Variants in SMG1 observed in about 807,000 individuals in gnomAD.
SMG1 encodes SMG1 nonsense mediated mRNA decay associated PI3K related kinase.
Under a neutral mutation model 419.9 loss-of-function variants are expected in SMG1, and 22 were observed. The observed-to-expected ratio is 0.05, with a 90% confidence interval of 0.04 to 0.07. The LOEUF is 0.07. SMG1 is among the 10% of genes least tolerant of loss of function. The pLI is 1.00. For missense variants in SMG1, 3,185 were observed against 4,342.0 expected (o/e 0.73, Z 7.49); for synonymous variants, 1,538 against 1,553.5 (o/e 0.99, Z 0.23).
chr16:18,854,809 G>C lies in SMG1; in HGVS notation c.4330C>G (p.Leu1444Val), dbSNP rs532830043. Residue 1444 changes from leucine (L) to valine (V), a missense_variant, in exon 30 of 63, where the codon CTG (leucine) becomes GTG (valine). Transcript: ENST00000446231. ...KRGNVSLATR[L>V]LAQCSEVQLG... ...TGAACTTCACTGCACTGTGCCAGCA[G>C]TCTTGTTGCAAGGGACACATTCCCT... The C allele has an allele frequency of 9.9e-6, 16 of 1,613,904 alleles. No individual in the cohort carries two copies. The highest frequency in any genetic ancestry group is 1.4e-5 in the Non-Finnish European group (16 of 1,179,904).
At chr16:18,883,405 T>C (rs2036484666) in intron 9 of SMG1, among the ~76,000 whole-genome samples, 1 of 152,240 alleles carries the variant, frequency 6.6e-6, no homozygotes. Flanking sequence ...GGAAAATCTT[T>C]AGGGGCTTTT....
In SMG1 at chr16:18,859,067, G is replaced by A. The variant is rs2035071794; in HGVS notation, c.4068C>T (p.Cys1356=). 1 of 1,531,828 alleles carries A rather than the reference G, an allele frequency of 6.5e-7. No individual in the cohort carries two copies. The highest frequency in any genetic ancestry group is 8.7e-7 in the Non-Finnish European group (1 of 1,143,716). The allele number at this position is 1,531,828 out of a possible 1,614,324, so 94.9% of individuals were successfully genotyped here. A position where few individuals can be genotyped will look rare whatever the true frequency, so the allele number is the denominator to read the frequency against. ...LPVLSTLQLY[C]SSALENTVSN... is the part of the protein sequence containing the mutation. Reference sequence around the variant, plus strand: ...AAACTGTGTTCTCCAAAGCAGATGAGCAATACAGCTGCAAGGTACTTAGAA... The same window carrying A: ...AAACTGTGTTCTCCAAAGCAGATGAACAATACAGCTGCAAGGTACTTAGAA... The change falls in exon 28 of 63, where the codon TGC becomes TGT. Residue 1356 remains cysteine (C), a synonymous_variant. Transcript: ENST00000446231.
chr16:18,817,173 A>G, intron 57 of SMG1, 118 bp downstream of exon 57: 3 of 690,680 alleles, frequency 4.3e-6, no homozygotes, highest in African/African-American at 2.0e-5. Flanking sequence ...CCGCCCCCCT[A>G]ACAACCTCTT....
chr16:18,828,021 C>T lies in SMG1; in HGVS notation c.9741+10G>A, dbSNP rs765918786. 4 of 1,608,138 alleles carry T rather than the reference C, an allele frequency of 2.5e-6. No individual in the cohort carries two copies. In the South Asian group the frequency reaches 3.3e-5, roughly 13 times the overall value. On this transcript the variant is annotated intron_variant, in intron 55 of 62. Coordinates refer to ENST00000446231, the MANE Select transcript of SMG1 (RefSeq NM_015092.5). ...AAAATGCCCTGGAAGGAAGATCTGG[C>T]AAAACACACCTGAACTGTTGCAATA...
chr16:18,820,908 T>A (rs2032470256), intron 55 of SMG1, among the ~76,000 whole-genome samples: 1 of 152,186 alleles, frequency 6.6e-6, no homozygotes, highest in Non-Finnish European at 1.5e-5. Flanking sequence ...TACACATAAC[T>A]TTCATTAAGG....
rs1375440778 is a variant in SMG1 at position 18,896,971 on chromosome 16, A to G, written c.93-15T>C. On this transcript the variant is annotated splice_polypyrimidine_tract_variant and intron_variant, in intron 1 of 62. Transcript: ENST00000446231. ...CACTATCAGTTCTATAAAAAGAGAA[A>G]AGTTTAAGATTAGAACTTTAAATAA... 6.6e-7 allele frequency: 1 copy of G among 1,503,982 alleles called. No individual in the cohort carries two copies. The highest frequency in any genetic ancestry group is 2.1e-5 in the Admixed American group (1 of 47,900). 93.2% of individuals were successfully genotyped at this position (1,503,982 alleles called of 1,614,324 possible).
chr16:18,836,558 C>A, intron 46 of SMG1, 26 bp from the exon 47 acceptor site: 1 of 1,610,244 alleles, frequency 6.2e-7, no homozygotes, highest in South Asian at 1.1e-5. Flanking sequence ...CAAACAAAAT[C>A]AAAAGATTTA....
rs869238782 is a variant in SMG1, at chr16:18,821,221, C to CTTTTTTTTTTTTTTTTTTTTTTTT, written c.9742-1568_9742-1567insAAAAAAAAAAAAAAAAAAAAAAAA. Among the ~76,000 whole-genome samples, 22 of 35,596 alleles carry CTTTTTTTTTTTTTTTTTTTTTTTT rather than the reference C, an allele frequency of 6.2e-4. 1 individual carries two copies. The highest frequency in any genetic ancestry group is 8.4e-4 in the South Asian group (1 of 1,190). The allele number at this position is 35,596 out of a possible 152,430, so 23.4% of individuals were successfully genotyped here. A position where few individuals can be genotyped will look rare whatever the true frequency, so the allele number is the denominator to read the frequency against. On this transcript the variant is annotated intron_variant, in intron 55 of 62. Coordinates refer to ENST00000446231, the MANE Select transcript of SMG1 (RefSeq NM_015092.5). ...AAAACCTGAGATATTTAGTATGTTT[C>CTTTTTTTTTTTTTTTTTTTTTTTT]TTTTTTTTTTTTTTTTTTTCTTTTT...
rs1233400465 is a variant in SMG1 at position 18,870,668 on chromosome 16, G to A, written c.2434C>T (p.Arg812Cys). The A allele has an allele frequency of 1.9e-6, 3 of 1,608,684 alleles. No individual in the cohort carries two copies. Among genetic ancestry groups the A allele is most frequent in the East Asian group, 2.2e-5 (1 of 44,854 alleles). The change falls in exon 18 of 63, where the codon CGT (arginine) becomes TGT (cysteine). Residue 812 changes from arginine (R) to cysteine (C), a missense_variant. Physicochemically the swap from Arg to Cys is radical, Grantham distance 180. Coordinates refer to ENST00000446231, the MANE Select transcript of SMG1 (RefSeq NM_015092.5). ...AGTTTTCCAAATGCTTGTCGAATAC[G>A]AGTTCCACTGTGCACTAGTTGAACA... ...CRVQLVHSGT[R>C]IRQAFGKLLK...
At chr16:18,810,786 C>A (rs893944737) in intron 62 of SMG1, among the ~76,000 whole-genome samples, 2 of 152,102 alleles carry the variant, frequency 1.3e-5, no homozygotes, top group Non-Finnish European at 2.9e-5. Flanking sequence ...TATGTAGTAG[C>A]TACAGTATTA....
intron 1 of SMG1, among the ~76,000 whole-genome samples, chr16:18,924,551 AAACT>A (rs1314277699): frequency 6.6e-6 from 1 of 152,252 alleles, no homozygotes; most frequent in Non-Finnish European, 1.5e-5. Flanking sequence ...TAAAAAGGCA[AAACT>A]AAGCATGTCA....
chr16:18,912,310 A>ATATAAC lies in SMG1; in HGVS notation c.92+13639_92+13640insGTTATA, dbSNP rs2037825679. Among the ~76,000 whole-genome samples, 5 of 152,078 alleles carry ATATAAC rather than the reference A, an allele frequency of 3.3e-5. No individual in the cohort carries two copies. The South Asian group carries it at 1.0e-3, about 31-fold the overall frequency. On this transcript the variant is annotated intron_variant, in intron 1 of 62. Coordinates refer to ENST00000446231, the MANE Select transcript of SMG1 (RefSeq NM_015092.5). ...GTATTTATTTGCAAAGAGAAGACAGAGATAACAATAGCAATAATAATAATG... is the reference window on the plus strand; with the variant it reads ...GTATTTATTTGCAAAGAGAAGACAGATATAACGATAACAATAGCAATAATAATAATG...
intron 51 of SMG1, 65 bp downstream of exon 51, chr16:18,832,875 A>G: frequency 7.2e-7 from 1 of 1,389,724 alleles, no homozygotes; most frequent in East Asian, 2.3e-5. Context: ...TAAAGAGCTC[A>G]GAATCCCTTT....
At chr16:18,839,014 G>C (rs996201014) in intron 42 of SMG1, among the ~76,000 whole-genome samples, 3 of 151,520 alleles carry the variant, frequency 2.0e-5, no homozygotes, top group African/African-American at 7.3e-5. Flanking sequence ...TTGTATTTTT[G>C]GTTGAAACGG....
chr16:18,874,900 A>G (rs1440487320), intron 13 of SMG1, among the ~76,000 whole-genome samples: 116 of 44,116 alleles, frequency 2.6e-3, no homozygotes, highest in African/African-American at 7.9e-3. Flanking sequence ...AAAAAAAAAA[A>G]GCCTTTTTTT....
At chr16:18,890,798 T>A in intron 5 of SMG1, 65 bp downstream of exon 5, 3 of 862,886 alleles carry the variant, frequency 3.5e-6, no homozygotes, top group Non-Finnish European at 5.9e-6. Context: ...TTCTTGTGTA[T>A]TGTTAAGTAA....
intron 58 of SMG1, chr16:18,815,959 G>A (rs2031962912): frequency 2.2e-6 from 1 of 449,420 alleles, no homozygotes; most frequent in South Asian, 3.0e-5. Flanking sequence ...CATTCATTTT[G>A]GAGGCAAACT....
At chr16:18,913,916 A>G (rs150342056) in intron 1 of SMG1, among the ~76,000 whole-genome samples, 2,109 of 152,252 alleles carry the variant, frequency 0.014, 43 homozygotes, top group African/African-American at 0.044. Flanking sequence ...CTGTAATCCC[A>G]GCACTTCGGG....
At chr16:18,883,417 G>C (rs1567421852) in intron 9 of SMG1, among the ~76,000 whole-genome samples, 1 of 152,210 alleles carries the variant, frequency 6.6e-6, no homozygotes, top group Non-Finnish European at 1.5e-5. Flanking sequence ...GGGGCTTTTG[G>C]TGTTTTGTGT....
Sources: gnomAD v4.1 joint callset for allele counts (sites outside exome capture counted in the v4.1 genomes callset) on GRCh38, gnomAD v4.1.1 for gene constraint, MANE v1.5 for transcripts, NCBI Gene and HGNC (gene_info 2026-07-23, HGNC 2026-07-21) for gene names.